CTNND2: variants seen among roughly 807,000 people sequenced by gnomAD.
The protein encoded by CTNND2 is catenin delta-2.
In CTNND2, 22 loss-of-function variants were observed where a neutral mutation model predicts 144.4. The observed-to-expected ratio is 0.15, with a 90% CI of 0.11 to 0.22. The LOEUF (loss-of-function observed/expected upper bound fraction) is 0.22. CTNND2 is among the 10% of genes least tolerant of loss of function. The probability of loss-of-function intolerance (pLI) is 1.00; values close to 1 mark genes in which losing one functional copy is unlikely to be tolerated. For synonymous variants in CTNND2, 751 were observed against 695.6 expected (o/e 1.08, Z -1.25); for missense variants, 1,353 against 1,618.8 (o/e 0.84, Z 2.82).
Position 11,091,278 on chromosome 5 carries a change from T to A in CTNND2, c.2637+7297A>T, listed in dbSNP as rs1750742308. 2.0e-5 allele frequency among the ~76,000 whole-genome samples: 3 copies of A among 152,212 alleles called. No homozygotes were observed. In the South Asian group the frequency reaches 6.2e-4, roughly 32 times the overall value. On this transcript the variant is annotated intron_variant, in intron 15 of 21. Transcript: ENST00000304623. The stretch of plus-strand genomic sequence containing the variant: ...TCCTCTGCAATGTCTAAACTGCTGT[T>A]AATCACACCCCATGTATTTTTCATT...
rs1749262869 is a variant in CTNND2 at position 11,079,098 on chromosome 5, T to G, written c.2788+3598A>C. 1.5e-5 allele frequency among the ~76,000 whole-genome samples: 2 copies of G among 136,168 alleles called. 1 individual carries two copies. Among genetic ancestry groups the G allele is most frequent in the Admixed American group, 1.4e-4 (2 of 13,968 alleles). 89.3% of individuals were successfully genotyped at this position (136,168 alleles called of 152,430 possible). A position where few individuals can be genotyped will look rare whatever the true frequency, so the allele number is the denominator to read the frequency against. On this transcript the variant is annotated intron_variant, in intron 16 of 21. Transcript: ENST00000304623. The stretch of plus-strand genomic sequence containing the variant: ...GGCTGCTTCCCAGGTCATAAAAGGC[T>G]TAATATACCACTATCTGTAATTTGG...
chr5:11,302,135 A>T (rs919391902), intron 9 of CTNND2, among the ~76,000 whole-genome samples: 1 of 152,116 alleles, frequency 6.6e-6, no homozygotes, highest in East Asian at 1.9e-4. Flanking sequence ...TAATTAATTG[A>T]TATCTGCCCT....
chr5:11,318,800 T>A (rs958700840), intron 9 of CTNND2, among the ~76,000 whole-genome samples: 3 of 152,156 alleles, frequency 2.0e-5, no homozygotes, highest in Non-Finnish European at 4.4e-5. Context: ...AAAAACATGC[T>A]GTAAAAGCTC....
Position 11,016,754 on chromosome 5 carries a change from G to T in CTNND2, c.3084+1220C>A, listed in dbSNP as rs530222096. 6.6e-5 allele frequency among the ~76,000 whole-genome samples: 10 copies of T among 152,076 alleles called. No individual in the cohort carries two copies. In the East Asian group the frequency reaches 1.7e-3, roughly 27 times the overall value. On this transcript the variant is annotated intron_variant, in intron 18 of 21. Transcript: ENST00000304623. ...CCTATGCCATTCTCCCCGCTTATTGGTGATGTCCTCTATCCCCTATATATT... is the reference window on the plus strand; with the variant it reads ...CCTATGCCATTCTCCCCGCTTATTGTTGATGTCCTCTATCCCCTATATATT...
At chr5:11,629,007 T>C (rs1781290052) in intron 2 of CTNND2, among the ~76,000 whole-genome samples, 1 of 152,206 alleles carries the variant, frequency 6.6e-6, no homozygotes, top group Non-Finnish European at 1.5e-5. Context: ...AAACCATTTT[T>C]GTGGAAGGTG....
intron 9 of CTNND2, among the ~76,000 whole-genome samples, chr5:11,323,411 G>A (rs1472571740): frequency 6.6e-6 from 1 of 152,138 alleles, no homozygotes; most frequent in Non-Finnish European, 1.5e-5. Context: ...AAAAGTCAAT[G>A]AGTCACATGA....
intron 16 of CTNND2, among the ~76,000 whole-genome samples, chr5:11,032,138 A>C (rs1743543500): frequency 1.3e-5 from 2 of 152,184 alleles, no homozygotes; most frequent in Admixed American, 1.3e-4. Context: ...TGGTGAGACA[A>C]ATTCCTGGTG....
rs144678073 is a variant in CTNND2 at position 11,895,769 on chromosome 5, T to C, written c.37+8048A>G. 2.0e-3 allele frequency among the ~76,000 whole-genome samples: 308 copies of C among 151,844 alleles called. 3 individuals are homozygous for C. The highest frequency in any genetic ancestry group is 6.9e-3 in the African/African-American group (287 of 41,394). On this transcript the variant is annotated intron_variant, in intron 1 of 21. Coordinates refer to ENST00000304623, the MANE Select transcript of CTNND2 (RefSeq NM_001332.4). ...ATAAATCAATTTTAAAAAAGGAAAA[T>C]AGATAAATTGAGAAATGTGTATAAG...
At chr5:11,550,896 G>C (rs1412528334) in intron 3 of CTNND2, among the ~76,000 whole-genome samples, 1 of 152,170 alleles carries the variant, frequency 6.6e-6, no homozygotes, top group Non-Finnish European at 1.5e-5. Context: ...TTTTTTTGAA[G>C]TAAGTAATAG....
intron 12 of CTNND2, among the ~76,000 whole-genome samples, chr5:11,156,547 T>C (rs988999267): frequency 2.6e-5 from 4 of 152,318 alleles, no homozygotes; most frequent in Non-Finnish European, 4.4e-5. Context: ...CCTGAAACAA[T>C]AGCTACAGAA....
chr5:11,399,235 C>T (rs1369308231), intron 5 of CTNND2, among the ~76,000 whole-genome samples: 1 of 152,120 alleles, frequency 6.6e-6, no homozygotes, highest in Admixed American at 6.5e-5. Context: ...GCCAGCCTCT[C>T]CTCCCCCCTT....
In CTNND2 at chr5:11,584,268, A is replaced by G. The variant is rs150364343; in HGVS notation, c.175-19212T>C. On this transcript the variant is annotated intron_variant, in intron 2 of 21. Transcript: ENST00000304623. ...AGTTGCTCTCCTTGTAGGAACACGT[A>G]TGCAAATGTTACTCTATACATGCAA... Among the ~76,000 whole-genome samples the G allele has an allele frequency of 2.5e-3, 378 of 152,308 alleles. 1 individual carries two copies. Among genetic ancestry groups the G allele is most frequent in the African/African-American group, 8.5e-3 (355 of 41,568 alleles).
In CTNND2 at chr5:11,382,863, G is replaced by C. The variant is rs114351421; in HGVS notation, c.1177+1802C>G. Among the ~76,000 whole-genome samples, 960 of 152,188 alleles carry C rather than the reference G, an allele frequency of 6.3e-3. 14 individuals are homozygous for C. Among genetic ancestry groups the C allele is most frequent in the African/African-American group, 0.022 (903 of 41,508 alleles). ...AATCAGGCATGGAGGTCTTGGAGTT[G>C]CAATATTCCTAATCTCTCAGAAGCA... On this transcript the variant is annotated intron_variant, in intron 7 of 21. Coordinates refer to ENST00000304623, the MANE Select transcript of CTNND2 (RefSeq NM_001332.4).
chr5:11,697,496 TCAGTAA>T (rs1785196407), intron 2 of CTNND2, among the ~76,000 whole-genome samples: 1 of 152,176 alleles, frequency 6.6e-6, no homozygotes. Context: ...ATTTTATAAG[TCAGTAA>T]CAGTATACTG....
intron 9 of CTNND2, among the ~76,000 whole-genome samples, chr5:11,270,478 A>G (rs886573068): frequency 5.9e-5 from 9 of 152,150 alleles, no homozygotes; most frequent in Non-Finnish European, 1.2e-4. Flanking sequence ...TGGTAAAAAA[A>G]AAAAAAAAAT....
At chr5:11,393,262 T>C (rs908163724) in intron 6 of CTNND2, among the ~76,000 whole-genome samples, 4 of 152,148 alleles carry the variant, frequency 2.6e-5, no homozygotes, top group East Asian at 1.9e-4. Flanking sequence ...AGAACTATCA[T>C]ACAATTCTTA....
chr5:11,075,201 C>CA (rs1561263424), intron 16 of CTNND2, among the ~76,000 whole-genome samples: 1 of 152,174 alleles, frequency 6.6e-6, no homozygotes. Flanking sequence ...TGAGAAGCAG[C>CA]AGATTCCCCC....
chr5:11,415,351 C>A (rs113673483), intron 3 of CTNND2, among the ~76,000 whole-genome samples: 47 of 152,070 alleles, frequency 3.1e-4, no homozygotes, highest in Non-Finnish European at 4.7e-4. Context: ...TGCTTATAAT[C>A]CCAGTGATTT....
At chr5:11,266,440 T>C (rs566911076) in intron 9 of CTNND2, among the ~76,000 whole-genome samples, 22 of 152,326 alleles carry the variant, frequency 1.4e-4, no homozygotes, top group Admixed American at 3.9e-4. Context: ...TCTGCTGTAA[T>C]AAGTGCCACA....
Sources: gnomAD v4.1 joint callset for allele counts (sites outside exome capture counted in the v4.1 genomes callset) on GRCh38, gnomAD v4.1.1 for gene constraint, MANE v1.5 for transcripts, NCBI Gene and HGNC (gene_info 2026-07-23, HGNC 2026-07-21) for gene names.